Variants in SNTG1 observed in about 807,000 individuals in gnomAD.
SNTG1 encodes syntrophin gamma 1.
A neutral mutation model predicts 74.7 loss-of-function variants in SNTG1; 39 were observed. That is an observed-to-expected ratio of 0.52 (90% CI 0.40 to 0.68). SNTG1 has a LOEUF of 0.68. Among genes scored for constraint, SNTG1 ranks in the 30% least tolerant of loss-of-function variants. The pLI is 0.00. For missense variants in SNTG1, 685 were observed against 609.5 expected (o/e 1.12, Z -1.30); for synonymous variants, 254 against 217.1 (o/e 1.17, Z -1.49).
chr8:50,634,145 A>T (rs956390883), intron 13 of SNTG1, among the ~76,000 whole-genome samples: 4 of 152,202 alleles, frequency 2.6e-5, no homozygotes, highest in African/African-American at 9.6e-5. Context: ...TCCACAGTGG[A>T]CAAACACAAG....
At chr8:50,022,614 T>C (rs1446285452) in intron 1 of SNTG1, among the ~76,000 whole-genome samples, 1 of 152,192 alleles carries the variant, frequency 6.6e-6, no homozygotes, top group Non-Finnish European at 1.5e-5. Flanking sequence ...TGGATTTAAT[T>C]AAGTGGAATA....
At chr8:50,255,813 T>C (rs1327081490) in intron 2 of SNTG1, among the ~76,000 whole-genome samples, 1 of 152,184 alleles carries the variant, frequency 6.6e-6, no homozygotes, top group East Asian at 1.9e-4. Flanking sequence ...TCTGAAGCAC[T>C]GAGGGCTAGA....
At chr8:50,401,340 C>T (rs1170881370) in intron 3 of SNTG1, among the ~76,000 whole-genome samples, 1 of 152,082 alleles carries the variant, frequency 6.6e-6, no homozygotes, top group African/African-American at 2.4e-5. Flanking sequence ...TTATATTAAT[C>T]CAGGTTAATA....
intron 1 of SNTG1, among the ~76,000 whole-genome samples, chr8:49,914,147 G>T (rs570719337): frequency 6.6e-6 from 1 of 152,110 alleles, no homozygotes; most frequent in Non-Finnish European, 1.5e-5. Flanking sequence ...TAATTGTAAA[G>T]TAGATAGTCA....
intron 15 of SNTG1, among the ~76,000 whole-genome samples, chr8:50,669,460 C>T (rs182120167): frequency 3.9e-5 from 6 of 152,042 alleles, no homozygotes; most frequent in African/African-American, 1.2e-4. Context: ...ATAAATTCCT[C>T]GACACATACA....
intron 1 of SNTG1, among the ~76,000 whole-genome samples, chr8:50,095,384 C>A (rs1291152878): frequency 6.6e-6 from 1 of 152,138 alleles, no homozygotes; most frequent in Non-Finnish European, 1.5e-5. Context: ...TCTCTGCAAG[C>A]ATTTAGATAT....
chr8:50,516,860 G>A (rs1311966336), intron 9 of SNTG1, among the ~76,000 whole-genome samples: 1 of 152,138 alleles, frequency 6.6e-6, no homozygotes, highest in Non-Finnish European at 1.5e-5. Flanking sequence ...AACCAAGTTG[G>A]AAATCACTCT....
intron 12 of SNTG1, among the ~76,000 whole-genome samples, chr8:50,571,497 A>G (rs2094548940): frequency 6.6e-6 from 1 of 152,236 alleles, no homozygotes; most frequent in Admixed American, 6.5e-5. Context: ...GAGCCAAAGC[A>G]CACTTAATGA....
chr8:50,715,105 G>T (rs1326151302), intron 17 of SNTG1, among the ~76,000 whole-genome samples: 2 of 152,122 alleles, frequency 1.3e-5, no homozygotes, highest in Non-Finnish European at 2.9e-5. Context: ...CTGAGTGTTA[G>T]TAGTTAAAAT....
intron 13 of SNTG1, among the ~76,000 whole-genome samples, chr8:50,591,658 T>C (rs2094692497): frequency 6.6e-6 from 1 of 152,214 alleles, no homozygotes; most frequent in Admixed American, 6.5e-5. Context: ...ACTTGTTCTT[T>C]GGAATACAGA....
chr8:50,131,489 A>C (rs917654919), intron 1 of SNTG1, among the ~76,000 whole-genome samples: 3 of 152,106 alleles, frequency 2.0e-5, no homozygotes, highest in Admixed American at 6.6e-5. Flanking sequence ...TGTTGCTGCA[A>C]GTGACAGGAT....
At chr8:50,027,544 C>T (rs1038468248) in intron 1 of SNTG1, among the ~76,000 whole-genome samples, 16 of 152,132 alleles carry the variant, frequency 1.1e-4, no homozygotes, top group African/African-American at 1.7e-4. Context: ...TGCCATATGA[C>T]GACAGAGGCA....
At chr8:50,513,583 T>C (rs1309188147) in intron 9 of SNTG1, among the ~76,000 whole-genome samples, 1 of 152,222 alleles carries the variant, frequency 6.6e-6, no homozygotes, top group Non-Finnish European at 1.5e-5. Flanking sequence ...GCTTCCTGGG[T>C]GCTTTGTCTA....
chr8:50,638,600 T>C (rs1197683304), intron 13 of SNTG1, among the ~76,000 whole-genome samples: 1 of 151,934 alleles, frequency 6.6e-6, no homozygotes, highest in Non-Finnish European at 1.5e-5. Context: ...TACAAAATAG[T>C]GATATATTCC....
At chr8:50,513,600 C>T (rs960508765) in intron 9 of SNTG1, among the ~76,000 whole-genome samples, 1 of 152,250 alleles carries the variant, frequency 6.6e-6, no homozygotes, top group African/African-American at 2.4e-5. Context: ...TCTACCTACT[C>T]AAGCCTTGGC....
chr8:50,477,446 A>C (rs532675197), intron 8 of SNTG1, among the ~76,000 whole-genome samples: 1 of 152,186 alleles, frequency 6.6e-6, no homozygotes, highest in South Asian at 2.1e-4. Context: ...TCAGGAATAT[A>C]CTACAAAATA....
intron 1 of SNTG1, among the ~76,000 whole-genome samples, chr8:49,958,770 C>T (rs1251756058): frequency 6.6e-6 from 1 of 152,188 alleles, no homozygotes; most frequent in Non-Finnish European, 1.5e-5. Flanking sequence ...TAGTTAGGAT[C>T]ACTCTTAGGC....
intron 8 of SNTG1, among the ~76,000 whole-genome samples, chr8:50,487,004 C>A (rs544008124): frequency 1.3e-5 from 2 of 152,298 alleles, no homozygotes; most frequent in African/African-American, 4.8e-5. Flanking sequence ...ATGAAGCCCA[C>A]TTGATCATGG....
intron 2 of SNTG1, among the ~76,000 whole-genome samples, chr8:50,386,508 C>A (rs1156730232): frequency 1.3e-5 from 2 of 151,906 alleles, no homozygotes; most frequent in African/African-American, 4.8e-5. Flanking sequence ...GCCCGACTTC[C>A]TTTCTTTATT....
Sources: gnomAD v4.1 joint callset for allele counts (sites outside exome capture counted in the v4.1 genomes callset) on GRCh38, gnomAD v4.1.1 for gene constraint, MANE v1.5 for transcripts, NCBI Gene and HGNC (gene_info 2026-07-23, HGNC 2026-07-21) for gene names.